The following ADCY4 variants were observed in gnomAD, a reference collection of about 807,000 sequenced individuals.
ADCY4 encodes the protein adenylate cyclase type 4.
In ADCY4, 111 loss-of-function variants were observed where a neutral mutation model predicts 125.5. The observed-to-expected ratio is 0.88, with a 90% CI of 0.76 to 1.04. The LOEUF (loss-of-function observed/expected upper bound fraction) is 1.04, where lower values mean the gene tolerates loss of function less well. Among genes scored for constraint, ADCY4 ranks in the 50% least tolerant of loss-of-function variants. The pLI, the probability that ADCY4 is intolerant of heterozygous loss-of-function variation, is 0.00. For missense variants in ADCY4, 1,256 were observed against 1,382.9 expected, an observed-to-expected ratio of 0.91 and a Z score of 1.46; for synonymous variants, 576 against 586.9, an observed-to-expected ratio of 0.98 and a Z score of 0.27.
intron 3 of ADCY4, 73 bp downstream of exon 3, chr14:24,332,449 A>T (rs779470023): frequency 6.7e-7 from 1 of 1,484,294 alleles, no homozygotes; most frequent in Non-Finnish European, 9.0e-7. Context: ...ACAGCTCAAC[A>T]ACCCCCTAAA....
At position 24,331,204 on chromosome 14, in the gene ADCY4, A is replaced by C. The variant is rs200463509; in HGVS notation, c.818+4T>G. The C allele has an allele frequency of 2.9e-5, 47 of 1,614,122 alleles. No individual in the cohort carries two copies. The highest frequency in any genetic ancestry group is 1.1e-4 in the African/African-American group (8 of 75,030). On this transcript the variant is annotated splice_donor_region_variant and intron_variant, in intron 5 of 24. Transcript: ENST00000418030. The stretch of plus-strand genomic sequence containing the variant: ...CCCTCCCCTCCAGCCATTCTTCCTC[A>C]TACCTGACTCCCTGGTGCCTCTTGA...
chr14:24,326,852 T>G (rs565960002), intron 10 of ADCY4, among the ~76,000 whole-genome samples: 3 of 149,802 alleles, frequency 2.0e-5, no homozygotes, highest in African/African-American at 7.4e-5. Flanking sequence ...CCTCGGCTTC[T>G]CAAAGTGCTG....
intron 24 of ADCY4, 22 bp downstream of exon 24, chr14:24,318,632 G>A (rs781556710): frequency 1.5e-5 from 24 of 1,613,978 alleles, no homozygotes; most frequent in Non-Finnish European, 1.7e-6. Flanking sequence ...CTCCCCCTAT[G>A]CCTCCAATGT....
chr14:24,325,754 C>A (rs2041931954), intron 13 of ADCY4, 64 bp downstream of exon 13: 7 of 1,538,860 alleles, frequency 4.5e-6, no homozygotes, highest in Non-Finnish European at 6.2e-6. Flanking sequence ...AAGGGCTGAC[C>A]CCTCCCCAGC....
In ADCY4 at chr14:24,319,922, T is replaced by C. The variant is rs1182704881; in HGVS notation, c.2587-34A>G. The C allele has an allele frequency of 6.2e-7, 1 of 1,608,856 alleles. No homozygotes were observed. The highest frequency in any genetic ancestry group is 1.3e-5 in the African/African-American group (1 of 74,698). On this transcript the variant is annotated intron_variant, in intron 20 of 24. Transcript: ENST00000418030. The surrounding 1 kb of genome is among the most constrained non-coding windows in gnomAD (Gnocchi z 4.5). ...ACAGGAGACTGGAGTGAGGGGTGTG[T>C]GTCATGTTCCTCTCCCTTCTAGAGG...
Position 24,325,856 on chromosome 14 carries a change from G to A in ADCY4, c.1687C>T (p.Leu563=), listed in dbSNP as rs923842813. 7 of 1,597,236 alleles carry A rather than the reference G, an allele frequency of 4.4e-6. No individual in the cohort carries two copies. Among genetic ancestry groups the A allele is most frequent in the Non-Finnish European group, 5.1e-6 (6 of 1,169,908 alleles). The change falls in exon 13 of 25, where the codon CTG becomes TTG. Residue 563 remains leucine, a synonymous_variant. Transcript: ENST00000418030. ...QWKQSKDFNP[L]TLYFREKEME... ...TCCTTCTCTCTGAAGTACAGTGTCA[G>A]TGGGTTGAAGTCCTTCGACTGCTTC...
Position 24,320,033 on chromosome 14 carries a change from G to A in ADCY4, c.2587-145C>T, listed in dbSNP as rs954698308. The A allele has an allele frequency of 1.7e-5, 16 of 923,446 alleles. No homozygotes were observed. The South Asian group carries it at 2.8e-4, about 16-fold the overall frequency. The allele number at this position is 923,446 out of a possible 1,614,324, so 57.2% of individuals were successfully genotyped here. A position where few individuals can be genotyped will look rare whatever the true frequency, so the allele number is the denominator to read the frequency against. On this transcript the variant is annotated intron_variant, in intron 20 of 24. Transcript: ENST00000418030. The stretch of plus-strand genomic sequence containing the variant: ...GGAAGGAGGGAGAGGAGTAGGGCCA[G>A]GCTACCCCAGGGAAGTGACTTAGGA...
Position 24,319,324 on chromosome 14 carries a change from C to T in ADCY4, c.2841+5G>A, listed in dbSNP as rs74417323. On this transcript the variant is annotated splice_donor_5th_base_variant and intron_variant, in intron 22 of 24. Transcript: ENST00000418030. The surrounding 1 kb of genome is among the most constrained non-coding windows in gnomAD (Gnocchi z 4.5). The stretch of plus-strand genomic sequence containing the variant: ...AGGATGGTAGGTAAGGAAGGGTTGC[C>T]GTACCTGTTGTGCATCCTGTCCAGA... 512 of 1,613,970 alleles carry T rather than the reference C, an allele frequency of 3.2e-4. No individual in the cohort carries two copies. In the African/African-American group the frequency reaches 5.7e-3, roughly 18 times the overall value.
rs371287297 is a variant in ADCY4 at position 24,331,781 on chromosome 14, G to A, written c.669+7C>T. 3.8e-6 allele frequency: 6 copies of A among 1,572,748 alleles called. No homozygotes were observed. The highest frequency in any genetic ancestry group is 2.3e-5 in the East Asian group (1 of 43,878). On this transcript the variant is annotated splice_region_variant and intron_variant, in intron 4 of 24. Transcript: ENST00000418030. ...GCGCTGCTCTGACCTTCCTAGGCCCGGCTGACCTGGTGCTTCTTCTCGGTG... is the reference window on the plus strand; with the variant it reads ...GCGCTGCTCTGACCTTCCTAGGCCCAGCTGACCTGGTGCTTCTTCTCGGTG...
Position 24,331,343 on chromosome 14 carries a change from AAG to A in ADCY4, c.681_682del (p.Leu228ValfsTer31). 6.2e-7 allele frequency: 1 copy of A among 1,613,984 alleles called. No homozygotes were observed. The highest frequency in any genetic ancestry group is 8.5e-7 in the Non-Finnish European group (1 of 1,180,016). On this transcript the variant is annotated frameshift_variant, in exon 5 of 25. Transcript: ENST00000418030. LOFTEE classifies it high-confidence loss of function. ...GGCCAGGTAGGCAGGAAGGATGGAC[AAG>A]AGAAGGTGTTCCTGGAAGAGGTCAC... is the stretch of plus-strand genomic sequence containing the variant.
At position 24,329,463 on chromosome 14, in the gene ADCY4, C is replaced by G. The variant is rs1216041729; in HGVS notation, c.1288G>C (p.Glu430Gln). The change falls in exon 9 of 25, where the codon GAG (glutamate) becomes CAG (glutamine). Residue 430 changes from glutamate (E) to glutamine (Q), a missense_variant. By Grantham distance (29) the Glu-to-Gln change is conservative (BLOSUM62 2). Transcript: ENST00000418030. ...TCCCGAAGGTAGGGGTCCCGATGCT[C>G]CATGCCTGCGTCCTCCACAGCATAA... ...GAYAVEDAGM[E>Q]HRDPYLRELG... is the part of the protein sequence containing the mutation. 2.5e-6 allele frequency: 4 copies of G among 1,582,462 alleles called. No individual in the cohort carries two copies. In the African/African-American group the frequency reaches 4.1e-5, roughly 16 times the overall value.
At chr14:24,321,167 T>C (rs1261569941) in intron 20 of ADCY4, among the ~76,000 whole-genome samples, 6 of 151,428 alleles carry the variant, frequency 4.0e-5, no homozygotes. Flanking sequence ...TCTCAGCATT[T>C]TGGGAGGCCA....
intron 20 of ADCY4, among the ~76,000 whole-genome samples, chr14:24,320,105 G>C (rs1046937710): frequency 2.0e-5 from 3 of 152,158 alleles, no homozygotes; most frequent in Non-Finnish European, 4.4e-5. Context: ...CAGAGGTTTG[G>C]CGTTAGGATC....
At chr14:24,333,186 A>AG (rs138698815) in intron 1 of ADCY4, among the ~76,000 whole-genome samples, 198 bp from the exon 2 acceptor site, 29,784 of 152,012 alleles carry the variant, frequency 0.2, 3,712 homozygotes, top group Admixed American at 0.33. Context: ...TACTGCTTTT[A>AG]TCTAGACTCA....
intron 16 of ADCY4, chr14:24,323,754 G>T: frequency 1.4e-6 from 1 of 702,480 alleles, no homozygotes; most frequent in Non-Finnish European, 1.7e-6. Context: ...TGATTCCCAG[G>T]TGCCCACCAG....
chr14:24,321,924 G>C, intron 20 of ADCY4, 142 bp downstream of exon 20: 1 of 1,403,586 alleles, frequency 7.1e-7, no homozygotes, highest in Non-Finnish European at 9.3e-7. Context: ...AAGATGTTGT[G>C]AAAACAAAGA....
chr14:24,331,156 G>A (rs1458449450), intron 5 of ADCY4, 27 bp from the exon 6 acceptor site: 1 of 1,613,024 alleles, frequency 6.2e-7, no homozygotes, highest in South Asian at 1.1e-5. Flanking sequence ...GTGTCAGCAG[G>A]GCCAGGGTCT....
Position 24,319,284 on chromosome 14 carries a change from A to T in ADCY4, c.2841+45T>A. The T allele has an allele frequency of 1.2e-6, 2 of 1,612,772 alleles. No individual in the cohort carries two copies. Among genetic ancestry groups the T allele is most frequent in the Non-Finnish European group, 1.7e-6 (2 of 1,178,856 alleles). The stretch of plus-strand genomic sequence containing the variant: ...ATAAGTCCCACTAATAAGCCCATCA[A>T]TGAGAGCCCAGAGGAGGATGGTAGG... On this transcript the variant is annotated intron_variant, in intron 22 of 24. Coordinates refer to ENST00000418030, the MANE Select transcript of ADCY4 (RefSeq NM_001198568.2). This position sits in a 1 kb window ranked among gnomAD's most constrained non-coding sequence, Gnocchi z 4.5.
At position 24,324,336 on chromosome 14, in the gene ADCY4, G is replaced by C. The variant is rs750410595; in HGVS notation, c.1879C>G (p.Leu627Val). The stretch of plus-strand genomic sequence containing the variant: ...AGGTCCTCTGAGAAGCAGACAAAAA[G>C]GATGAGGAGGAAGAGGAGGAAGGTG... The part of the protein sequence containing the change: ...SITFLLFLLI[L>V]FVCFSEDLMR... Residue 627 changes from leucine to valine, a missense_variant, in exon 15 of 25, where the codon CTT (leucine) becomes GTT (valine). Leu to Val is a conservative substitution (Grantham distance 32). Transcript: ENST00000418030. 8.1e-6 allele frequency: 13 copies of C among 1,614,118 alleles called. No homozygotes were observed. Among genetic ancestry groups the C allele is most frequent in the African/African-American group, 6.7e-5 (5 of 74,948 alleles).
Sources: gnomAD v4.1 joint callset for allele counts (sites outside exome capture counted in the v4.1 genomes callset) on GRCh38, gnomAD v4.1.1 for gene constraint, Gnocchi (gnomAD v3.1) non-coding constraint, MANE v1.5 for transcripts, NCBI Gene and HGNC (gene_info 2026-07-23, HGNC 2026-07-21) for gene names.